Variants in CDH12 observed in about 807,000 individuals in gnomAD.
CDH12 encodes cadherin 12, also known as cadherin-12.
CDH12 carries 41 observed loss-of-function variants against 74.1 expected under a neutral mutation model. The ratio of observed to expected loss-of-function variants is 0.55; its 90% CI spans 0.43 to 0.72. The LOEUF (loss-of-function observed/expected upper bound fraction) is 0.72, where lower values mean the gene tolerates loss of function less well. Ranked by LOEUF, CDH12 falls within the 30% of genes least tolerant of loss-of-function variation. The probability of loss-of-function intolerance (pLI) is 0.00; values close to 1 mark genes in which losing one functional copy is unlikely to be tolerated. For missense variants in CDH12, 945 were observed against 977.2 expected (o/e 0.97, Z 0.44); for synonymous variants, 399 against 355.0 (o/e 1.12, Z -1.39).
chr5:22,233,907 A>G (rs1332775100), intron 3 of CDH12, among the ~76,000 whole-genome samples: 1 of 152,188 alleles, frequency 6.6e-6, no homozygotes, highest in Non-Finnish European at 1.5e-5. Flanking sequence ...CCACTAATAG[A>G]AATAATGATC....
chr5:22,506,856 T>C (rs1736407096), intron 1 of CDH12, among the ~76,000 whole-genome samples: 1 of 152,194 alleles, frequency 6.6e-6, no homozygotes, highest in Admixed American at 6.5e-5. Flanking sequence ...CAGCTTCATA[T>C]TATTAACTTC....
At chr5:22,025,723 C>T (rs537837869) in intron 5 of CDH12, among the ~76,000 whole-genome samples, 1 of 152,306 alleles carries the variant, frequency 6.6e-6, no homozygotes, top group East Asian at 1.9e-4. Context: ...AGTCAATCCT[C>T]TCAAACCCTG....
intron 1 of CDH12, among the ~76,000 whole-genome samples, chr5:22,733,530 C>T (rs1047313086): frequency 1.3e-5 from 2 of 150,606 alleles, no homozygotes; most frequent in African/African-American, 2.4e-5. Flanking sequence ...CATCTATGAA[C>T]ACTGTGTTGG....
At position 22,290,741 on chromosome 5, in the gene CDH12, A is replaced by T. The variant is rs73053991; in HGVS notation, c.-332-78098T>A. ...AAAGGATCATGAGAGATTGTTATGA[A>T]CAATTAGACACAAACTAATTGGAAA... On this transcript the variant is annotated intron_variant, in intron 3 of 14. Transcript: ENST00000382254. Among the ~76,000 whole-genome samples the T allele has an allele frequency of 4.9e-3, 750 of 152,302 alleles. 9 individuals are homozygous for T. The highest frequency in any genetic ancestry group is 0.017 in the African/African-American group (715 of 41,560).
chr5:22,056,465 G>C (rs1198404128), intron 5 of CDH12, among the ~76,000 whole-genome samples: 1 of 152,148 alleles, frequency 6.6e-6, no homozygotes, highest in African/African-American at 2.4e-5. Flanking sequence ...AAGAGAAGGA[G>C]AGCTTGGAAC....
chr5:22,229,621 C>A (rs1752316343), intron 3 of CDH12, among the ~76,000 whole-genome samples: 1 of 151,982 alleles, frequency 6.6e-6, no homozygotes, highest in Non-Finnish European at 1.5e-5. Context: ...AGTAACTTCC[C>A]CTTAACCTGT....
At chr5:22,141,401 G>A (rs1746784106) in intron 4 of CDH12, 1 of 152,190 alleles carries the variant, frequency 6.6e-6, no homozygotes, top group African/African-American at 2.4e-5. Context: ...TTGTATGTAA[G>A]TTGAGACCTG....
chr5:21,877,548 A>T (rs1399098352), intron 6 of CDH12, among the ~76,000 whole-genome samples: 1 of 152,170 alleles, frequency 6.6e-6, no homozygotes, highest in Non-Finnish European at 1.5e-5. Context: ...TGATCAGCTG[A>T]TGTTAGAAGT....
intron 2 of CDH12, among the ~76,000 whole-genome samples, chr5:22,424,263 G>C (rs1743797892): frequency 6.6e-6 from 1 of 151,964 alleles, no homozygotes. Flanking sequence ...CCCTTAATTT[G>C]GCCAAGGGAT....
At chr5:22,710,557 G>A (rs904782197) in intron 1 of CDH12, among the ~76,000 whole-genome samples, 2 of 152,054 alleles carry the variant, frequency 1.3e-5, no homozygotes, top group African/African-American at 4.8e-5. Context: ...AGCCTCCTGA[G>A]GGTAAGGATT....
intron 6 of CDH12, among the ~76,000 whole-genome samples, chr5:21,864,503 G>C (rs1477829615): frequency 1.3e-5 from 2 of 152,066 alleles, no homozygotes; most frequent in Non-Finnish European, 2.9e-5. Flanking sequence ...GCCCATACTG[G>C]ATGCAACTTC....
chr5:22,594,927 T>G (rs180900426), intron 1 of CDH12, among the ~76,000 whole-genome samples: 135 of 152,256 alleles, frequency 8.9e-4, no homozygotes, highest in Non-Finnish European at 8.8e-4. Flanking sequence ...TGGATTTACT[T>G]CTCAGTGTAA....
At chr5:22,549,943 A>T (rs1276487052) in intron 1 of CDH12, among the ~76,000 whole-genome samples, 2 of 152,170 alleles carry the variant, frequency 1.3e-5, no homozygotes, top group Non-Finnish European at 2.9e-5. Context: ...TGTTTCATTC[A>T]GTTTCTCTCT....
intron 1 of CDH12, among the ~76,000 whole-genome samples, chr5:22,818,198 A>G (rs902411052): frequency 2.0e-5 from 3 of 152,152 alleles, no homozygotes; most frequent in African/African-American, 7.2e-5. Flanking sequence ...TGAGGCTTTA[A>G]GTACACACTG....
At chr5:21,832,828 T>C (rs1200661734) in intron 8 of CDH12, among the ~76,000 whole-genome samples, 67 of 116,044 alleles carry the variant, frequency 5.8e-4, no homozygotes, top group African/African-American at 2.1e-3. Flanking sequence ...TGATATATAT[T>C]ATAATAATAT....
chr5:22,798,367 A>G (rs1441482768), intron 1 of CDH12, among the ~76,000 whole-genome samples: 1 of 152,176 alleles, frequency 6.6e-6, no homozygotes, highest in Non-Finnish European at 1.5e-5. Context: ...TTAAAATTCA[A>G]ATGTATACAG....
At chr5:22,691,826 C>A (rs1742099362) in intron 1 of CDH12, among the ~76,000 whole-genome samples, 1 of 151,766 alleles carries the variant, frequency 6.6e-6, no homozygotes, top group African/African-American at 2.4e-5. Context: ...TGTAAATGTT[C>A]ATTAAATATT....
intron 5 of CDH12, among the ~76,000 whole-genome samples, chr5:22,073,238 C>A (rs759623957): frequency 1.3e-5 from 2 of 152,066 alleles, no homozygotes; most frequent in African/African-American, 4.8e-5. Flanking sequence ...ATATGTTTTA[C>A]TTCTTTATTT....
intron 1 of CDH12, among the ~76,000 whole-genome samples, chr5:22,573,251 T>C (rs1396856195): frequency 6.6e-6 from 1 of 152,178 alleles, no homozygotes; most frequent in Non-Finnish European, 1.5e-5. Context: ...ATTTTCCTCT[T>C]TTTACTCAGT....
Sources: allele counts gnomAD v4.1 joint callset (sites outside exome capture counted in the v4.1 genomes callset), GRCh38; gene constraint gnomAD v4.1.1; transcripts MANE v1.5; gene names NCBI Gene and HGNC (gene_info 2026-07-23, HGNC 2026-07-21).